Variants in DAB1 observed in about 807,000 individuals in gnomAD.
The protein encoded by DAB1 is disabled homolog 1.
DAB1 carries 15 observed loss-of-function variants against 64.6 expected under a neutral mutation model. The ratio of observed to expected loss-of-function variants is 0.23; its 90% CI spans 0.16 to 0.36. The LOEUF is 0.36. Ranked by LOEUF, DAB1 falls within the 10% of genes least tolerant of loss-of-function variation. The pLI is 1.00. For synonymous variants in DAB1, 235 were observed against 251.9 expected (o/e 0.93, Z 0.64); for missense variants, 596 against 706.7 (o/e 0.84, Z 1.78).
At chr1:57,266,684 A>G (rs139009448) in intron 2 of DAB1, among the ~76,000 whole-genome samples, 246 of 152,314 alleles carry the variant, frequency 1.6e-3, no homozygotes, top group African/African-American at 5.7e-3. Context: ...TGACTGTCCA[A>G]TGGCAGACAG....
chr1:57,387,907 A>T (rs1395477093), intron 1 of DAB1, among the ~76,000 whole-genome samples: 1 of 152,020 alleles, frequency 6.6e-6, no homozygotes, highest in African/African-American at 2.4e-5. Context: ...AAGTCAAGAA[A>T]GATGAAATTA....
chr1:58,116,391 T>G lies in DAB1; in HGVS notation n.387+34120A>C, dbSNP rs538604169. 2.6e-5 allele frequency among the ~76,000 whole-genome samples: 4 copies of G among 152,358 alleles called. No homozygotes were observed. The East Asian group carries it at 7.7e-4, about 29-fold the overall frequency. On this transcript the variant is annotated intron_variant and non_coding_transcript_variant, in intron 5 of 20. Coordinates refer to the DAB1 transcript ENST00000485760. ...CACTATAAATTGGGAGTTTATGATT[T>G]GTTGCTACACACATTCCTAATTGAT... is the stretch of plus-strand genomic sequence containing the variant.
At chr1:57,829,232 T>C (rs1018039755) in intron 1 of DAB1, among the ~76,000 whole-genome samples, 1 of 152,210 alleles carries the variant, frequency 6.6e-6, no homozygotes, top group Non-Finnish European at 1.5e-5. Flanking sequence ...TATCTGATTA[T>C]TAACTAACAA....
At chr1:57,633,281 T>C (rs370777119) in intron 7 of DAB1, among the ~76,000 whole-genome samples, 147 of 152,324 alleles carry the variant, frequency 9.7e-4, no homozygotes, top group African/African-American at 3.5e-3. Context: ...TGAGCACGCA[T>C]CTGAATAACC....
chr1:58,423,597 A>G (rs1644793644), intron 3 of DAB1, among the ~76,000 whole-genome samples: 1 of 152,188 alleles, frequency 6.6e-6, no homozygotes, highest in Non-Finnish European at 1.5e-5. Context: ...GGATCAGTCA[A>G]TGCCACTGGC....
chr1:57,495,696 A>G (rs982768959), intron 7 of DAB1, among the ~76,000 whole-genome samples: 2 of 152,228 alleles, frequency 1.3e-5, no homozygotes, highest in African/African-American at 4.8e-5. Context: ...ATAGGGTTCA[A>G]GGAGAGGGAG....
At position 57,266,809 on chromosome 1, in the gene DAB1, T is replaced by C. The variant is rs1019568284; in HGVS notation, c.67+24155A>G. On this transcript the variant is annotated intron_variant, in intron 2 of 14. Coordinates refer to ENST00000371236, the MANE Select transcript of DAB1 (RefSeq NM_001365792.1). Reference sequence around the variant, plus strand: ...AACTATAATAAAAGAAGCTCCTGTTTAATGAATGATACCCTGTCCCCGATG... The same window carrying C: ...AACTATAATAAAAGAAGCTCCTGTTCAATGAATGATACCCTGTCCCCGATG... 6.6e-5 allele frequency among the ~76,000 whole-genome samples: 10 copies of C among 152,308 alleles called. No homozygotes were observed. In the South Asian group the frequency reaches 2.1e-3, roughly 32 times the overall value.
intron 2 of DAB1, among the ~76,000 whole-genome samples, chr1:57,250,774 A>G (rs1669274329): frequency 6.6e-6 from 1 of 152,164 alleles, no homozygotes; most frequent in Admixed American, 6.6e-5. Context: ...TTTTACCTGG[A>G]TAAATTACTA....
At chr1:57,006,196 C>G (rs1458655069) in intron 14 of DAB1, among the ~76,000 whole-genome samples, 8 of 152,182 alleles carry the variant, frequency 5.3e-5, no homozygotes, top group Non-Finnish European at 7.3e-5. Context: ...CTCACTACTC[C>G]AATGGCTGAA....
chr1:58,478,006 G>A (rs1158806571), intron 3 of DAB1, among the ~76,000 whole-genome samples: 2 of 152,136 alleles, frequency 1.3e-5, no homozygotes, highest in African/African-American at 2.4e-5. Flanking sequence ...GTTCAACAGT[G>A]CTTGAAAAAT....
chr1:58,423,264 C>T (rs1263176670), intron 3 of DAB1, among the ~76,000 whole-genome samples: 1 of 152,220 alleles, frequency 6.6e-6, no homozygotes, highest in Non-Finnish European at 1.5e-5. Flanking sequence ...ACATCCCAGT[C>T]TTAGACCTCC....
intron 12 of DAB1, among the ~76,000 whole-genome samples, chr1:57,014,431 A>T (rs1463683672): frequency 6.6e-6 from 1 of 152,238 alleles, no homozygotes; most frequent in East Asian, 1.9e-4. Context: ...TAAAGTTTGC[A>T]TTCATTTTAT....
intron 2 of DAB1, among the ~76,000 whole-genome samples, chr1:58,521,610 C>T (rs1036282204): frequency 1.4e-4 from 22 of 151,936 alleles, no homozygotes; most frequent in Non-Finnish European, 7.4e-5. Context: ...AACAGGTATC[C>T]TTCAGACATT....
chr1:57,138,003 GC>G (rs1238644767), intron 3 of DAB1, among the ~76,000 whole-genome samples: 6 of 151,870 alleles, frequency 4.0e-5, no homozygotes, highest in Non-Finnish European at 7.4e-5. Flanking sequence ...TCATTTTTTT[GC>G]ATGGTTAAGA....
At chr1:58,375,007 T>G (rs1424799820) in intron 3 of DAB1, among the ~76,000 whole-genome samples, 1 of 138,396 alleles carries the variant, frequency 7.2e-6, no homozygotes, top group Admixed American at 7.2e-5. Context: ...ATAGGAATGC[T>G]TGTGATTTTT....
intron 5 of DAB1, among the ~76,000 whole-genome samples, chr1:57,920,546 G>C (rs1429268648): frequency 6.6e-6 from 1 of 152,018 alleles, no homozygotes; most frequent in Non-Finnish European, 1.5e-5. Context: ...TTGGACTCCT[G>C]GGTTCAAGCA....
At chr1:57,280,043 A>G (rs922075471) in intron 2 of DAB1, among the ~76,000 whole-genome samples, 1 of 152,204 alleles carries the variant, frequency 6.6e-6, no homozygotes, top group Non-Finnish European at 1.5e-5. Context: ...AGTTTAGTCC[A>G]GGGTTAAGAA....
At chr1:57,866,387 T>C (rs1654301425) in intron 1 of DAB1, 1 of 152,188 alleles carries the variant, frequency 6.6e-6, no homozygotes, top group African/African-American at 2.4e-5. Flanking sequence ...GGATTTTCAA[T>C]AAGTAACTAT....
At chr1:57,976,722 T>C (rs1031741301) in intron 5 of DAB1, among the ~76,000 whole-genome samples, 130 of 152,330 alleles carry the variant, frequency 8.5e-4, no homozygotes, top group African/African-American at 3.0e-3. Context: ...ACATTAGATA[T>C]ACTTTCTCTG....
Sources: allele counts gnomAD v4.1 joint callset (sites outside exome capture counted in the v4.1 genomes callset), GRCh38; gene constraint gnomAD v4.1.1; transcripts MANE v1.5; gene names NCBI Gene and HGNC (gene_info 2026-07-23, HGNC 2026-07-21).